RUNX2: variants seen among roughly 807,000 people sequenced by gnomAD.
RUNX2 encodes the protein RUNX family transcription factor 2, also known as runt-related transcription factor 2.
RUNX2 carries 10 observed loss-of-function variants against 51.7 expected under a neutral mutation model. The ratio of observed to expected loss-of-function variants is 0.19; its 90% CI spans 0.12 to 0.33. The LOEUF (loss-of-function observed/expected upper bound fraction) is 0.33. RUNX2 is among the 10% of genes least tolerant of loss of function. RUNX2 has a pLI of 1.00. For missense variants in RUNX2, 562 were observed against 691.3 expected, an observed-to-expected ratio of 0.81 and a Z score of 2.10; for synonymous variants, 276 against 273.6, an observed-to-expected ratio of 1.01 and a Z score of -0.09.
At chr6:45,384,806 C>T (rs1472790598) in intron 2 of RUNX2, among the ~76,000 whole-genome samples, 2 of 137,416 alleles carry the variant, frequency 1.5e-5, no homozygotes, top group Non-Finnish European at 3.1e-5. Context: ...TAACTTCAAA[C>T]TTCGGGGCTC....
chr6:45,540,713 G>A (rs568341655), intron 7 of RUNX2, among the ~76,000 whole-genome samples: 23 of 152,294 alleles, frequency 1.5e-4, no homozygotes, highest in Non-Finnish European at 2.8e-4. Context: ...AAGGAAGGAC[G>A]AGTGTGCTTA....
intron 7 of RUNX2, among the ~76,000 whole-genome samples, chr6:45,525,778 T>C (rs946072481): frequency 2.0e-5 from 3 of 152,032 alleles, no homozygotes; most frequent in African/African-American, 4.8e-5. Context: ...GCAGTTTGCT[T>C]GAGCCCAGCA....
At chr6:45,486,822 C>T (rs1480844503) in intron 5 of RUNX2, among the ~76,000 whole-genome samples, 1 of 152,144 alleles carries the variant, frequency 6.6e-6, no homozygotes, top group African/African-American at 2.4e-5. Context: ...TAAAAATGGG[C>T]AAAATGGGTC....
rs76383386 is a variant in RUNX2 at position 45,475,268 on chromosome 6, A to G, written c.686-16673A>G. Among the ~76,000 whole-genome samples, 1,368 of 152,268 alleles carry G rather than the reference A, an allele frequency of 9.0e-3. 21 individuals carry two copies. Among genetic ancestry groups the G allele is most frequent in the African/African-American group, 0.031 (1,278 of 41,542 alleles). On this transcript the variant is annotated intron_variant, in intron 5 of 8. Coordinates refer to ENST00000647337, the MANE Select transcript of RUNX2 (RefSeq NM_001024630.4). Reference sequence around the variant, plus strand: ...TGGAGTGACATGGAAGTTCAGAAACATTTTTACTTCTATTTGAGGGTGGAG... The same window carrying G: ...TGGAGTGACATGGAAGTTCAGAAACGTTTTTACTTCTATTTGAGGGTGGAG...
intron 2 of RUNX2, among the ~76,000 whole-genome samples, chr6:45,332,919 T>C (rs1356467096): frequency 6.6e-6 from 1 of 151,720 alleles, no homozygotes; most frequent in Non-Finnish European, 1.5e-5. Context: ...TTTTTTCTCC[T>C]ATACCAATGA....
rs398048486 is a variant in RUNX2 at position 45,399,349 on chromosome 6, C to CTTTTTT, written c.59-23221_59-23216dup. Among the ~76,000 whole-genome samples the CTTTTTT allele has an allele frequency of 6.2e-3, 356 of 57,386 alleles. 41 individuals carry two copies. The highest frequency in any genetic ancestry group is 0.013 in the Middle Eastern group (1 of 76). The allele number at this position is 57,386 out of a possible 152,430, so 37.6% of individuals were successfully genotyped here. ...CTTTCTCATTTCTTTCTTTTCTTTCCTTTTTTTTTTTTTTTTTTTTTTTTT... is the reference window on the plus strand; with the variant it reads ...CTTTCTCATTTCTTTCTTTTCTTTCCTTTTTTTTTTTTTTTTTTTTTTTTTTTTTTT... On this transcript the variant is annotated intron_variant, in intron 2 of 8. Coordinates refer to ENST00000647337, the MANE Select transcript of RUNX2 (RefSeq NM_001024630.4).
intron 2 of RUNX2, among the ~76,000 whole-genome samples, chr6:45,334,663 TTTGTC>T (rs1459910622): frequency 2.6e-5 from 4 of 151,154 alleles, no homozygotes; most frequent in African/African-American, 9.7e-5. Flanking sequence ...TCTGGCTATG[TTTGTC>T]TTAACATTTT....
intron 7 of RUNX2, among the ~76,000 whole-genome samples, chr6:45,521,572 A>G (rs1225997196): frequency 6.6e-6 from 1 of 152,232 alleles, no homozygotes; most frequent in Non-Finnish European, 1.5e-5. Context: ...TGAGAAAATG[A>G]TAGAAATTAT....
chr6:45,396,602 C>T (rs938920293), intron 2 of RUNX2, among the ~76,000 whole-genome samples: 3 of 152,146 alleles, frequency 2.0e-5, no homozygotes, highest in Non-Finnish European at 4.4e-5. Context: ...GACAGGGTCT[C>T]GCTATGTTGT....
chr6:45,331,097 A>G (rs554793256), intron 2 of RUNX2, among the ~76,000 whole-genome samples: 7 of 143,214 alleles, frequency 4.9e-5, no homozygotes, highest in Non-Finnish European at 9.2e-5. Flanking sequence ...CCTCAAATAC[A>G]ATGAGTGGTG....
chr6:45,337,691 TTATAA>T (rs1788866588), intron 2 of RUNX2, among the ~76,000 whole-genome samples: 1 of 151,830 alleles, frequency 6.6e-6, no homozygotes, highest in Admixed American at 6.6e-5. Flanking sequence ...TTGAATGTAT[TTATAA>T]TATGATACAC....
intron 6 of RUNX2, among the ~76,000 whole-genome samples, chr6:45,509,355 A>T (rs1256192661): frequency 6.6e-6 from 1 of 152,216 alleles, no homozygotes; most frequent in Admixed American, 6.5e-5. Context: ...TATATACTTA[A>T]TATGTGCTAA....
intron 5 of RUNX2, among the ~76,000 whole-genome samples, chr6:45,458,648 T>G (rs1440420375): frequency 6.6e-6 from 1 of 152,202 alleles, no homozygotes. Flanking sequence ...GACATTTCAG[T>G]AAAAATATAT....
At chr6:45,542,744 G>C (rs1802269804) in intron 7 of RUNX2, among the ~76,000 whole-genome samples, 1 of 152,206 alleles carries the variant, frequency 6.6e-6, no homozygotes. Context: ...AAGATAGCAG[G>C]TGTGTATGTG....
At chr6:45,419,603 C>G (rs769414924) in intron 2 of RUNX2, among the ~76,000 whole-genome samples, 2 of 152,232 alleles carry the variant, frequency 1.3e-5, no homozygotes, top group Non-Finnish European at 2.9e-5. Flanking sequence ...AGCCTGGCTT[C>G]CCTTCCCGGA....
At chr6:45,504,477 A>G (rs1800897825) in intron 6 of RUNX2, among the ~76,000 whole-genome samples, 1 of 152,156 alleles carries the variant, frequency 6.6e-6, no homozygotes, top group African/African-American at 2.4e-5. Context: ...GGCTCTTCCT[A>G]TGCTTGGAGG....
At chr6:45,516,061 C>T (rs1801309752) in intron 7 of RUNX2, among the ~76,000 whole-genome samples, 1 of 152,128 alleles carries the variant, frequency 6.6e-6, no homozygotes. Context: ...AATTTTCAAG[C>T]ATGGCAACAA....
Position 45,550,189 on chromosome 6 carries a change from A to G in RUNX2, c.*2884A>G, listed in dbSNP as rs1284785315. 3 of 152,478 alleles carry G rather than the reference A, an allele frequency of 2.0e-5. No homozygotes were observed. The highest frequency in any genetic ancestry group is 4.4e-5 in the Non-Finnish European group (3 of 67,996). The allele number at this position is 152,478 out of a possible 1,614,324, so 9.4% of individuals were successfully genotyped here. A position where few individuals can be genotyped will look rare whatever the true frequency, so the allele number is the denominator to read the frequency against. On this transcript the variant is annotated 3_prime_UTR_variant, in exon 9 of 9. Transcript: ENST00000647337. ...TTTGCAGTCTTTTCAATGCAGCCAC[A>G]TTTTTATCCATTTCAGTTGTCTCAC...
In RUNX2 at chr6:45,431,875, G is replaced by A. The variant is rs1428979499; in HGVS notation, c.436G>A (p.Gly146Arg). Residue 146 changes from glycine to arginine, a missense_variant, in exon 4 of 9, where the codon GGA becomes AGA. Transcript: ENST00000647337. ...LPVAFKVVALGEVPDGTVVTV... is the reference protein window; with the variant it reads ...LPVAFKVVALREVPDGTVVTV... ...CTGTTTTATGTAGGTGGTAGCCCTC[G>A]GAGAGGTACCAGATGGGACTGTGGT... 6.2e-7 allele frequency: 1 copy of A among 1,614,072 alleles called. No homozygotes were observed. Among genetic ancestry groups the A allele is most frequent in the Non-Finnish European group, 8.5e-7 (1 of 1,179,970 alleles).
Sources: gnomAD v4.1 joint callset for allele counts (sites outside exome capture counted in the v4.1 genomes callset) on GRCh38, gnomAD v4.1.1 for gene constraint, MANE v1.5 for transcripts, NCBI Gene and HGNC (gene_info 2026-07-23, HGNC 2026-07-21) for gene names.